The following FAM149B1 variants were observed in gnomAD, a reference collection of about 807,000 sequenced individuals.
The protein encoded by FAM149B1 is family with sequence similarity 149 member B1.
In FAM149B1, 56 loss-of-function variants were observed where a neutral mutation model predicts 75.3. The ratio of observed to expected loss-of-function variants is 0.74; its 90% CI spans 0.60 to 0.93. The LOEUF (loss-of-function observed/expected upper bound fraction) is 0.93. FAM149B1 is among the 40% of genes least tolerant of loss of function. The pLI is 0.00. For synonymous variants in FAM149B1, 259 were observed against 256.1 expected (o/e 1.01, Z -0.11); for missense variants, 639 against 708.4 (o/e 0.90, Z 1.11).
chr10:73,233,479 C>T (rs536160403), intron 10 of FAM149B1, among the ~76,000 whole-genome samples: 42 of 152,210 alleles, frequency 2.8e-4, no homozygotes, highest in African/African-American at 9.2e-4. Context: ...GCCGGGACCA[C>T]AGGCGGGTGG....
chr10:73,234,779 T>C, intron 10 of FAM149B1, 38 bp from the exon 11 acceptor site: 1 of 1,548,344 alleles, frequency 6.5e-7, no homozygotes, highest in South Asian at 1.2e-5. Flanking sequence ...TATAACTTCA[T>C]GCTTTCATAC....
chr10:73,195,752 G>T (rs1312078580), intron 5 of FAM149B1, among the ~76,000 whole-genome samples: 1 of 151,376 alleles, frequency 6.6e-6, no homozygotes, highest in East Asian at 1.9e-4. Context: ...CCTATTTTTG[G>T]TGCTACTTTT....
chr10:73,243,333 T>C lies in FAM149B1; in HGVS notation c.*2314T>C. 1 of 1,580,818 alleles carries C rather than the reference T, an allele frequency of 6.3e-7. No individual in the cohort carries two copies. Among genetic ancestry groups the C allele is most frequent in the Non-Finnish European group, 8.6e-7 (1 of 1,163,628 alleles). Reference sequence around the variant, plus strand: ...AGCTGAATTGACTTTTGCCTTCAAATCCTGCCTGCACCTTGCCTACGATGG... The same window carrying C: ...AGCTGAATTGACTTTTGCCTTCAAACCCTGCCTGCACCTTGCCTACGATGG... On this transcript the variant is annotated 3_prime_UTR_variant, in exon 14 of 14. Transcript: ENST00000242505.
chr10:73,212,245 A>G (rs1006739721), intron 7 of FAM149B1, among the ~76,000 whole-genome samples: 3 of 152,176 alleles, frequency 2.0e-5, no homozygotes, highest in African/African-American at 7.2e-5. Flanking sequence ...TATCTTTGCT[A>G]CCGTGAATAA....
chr10:73,229,177 G>C (rs1375214302), intron 8 of FAM149B1, among the ~76,000 whole-genome samples: 2 of 152,078 alleles, frequency 1.3e-5, no homozygotes, highest in Non-Finnish European at 2.9e-5. Flanking sequence ...GATGAGATTG[G>C]TCTTATCCCT....
chr10:73,193,200 A>G (rs562192554), intron 4 of FAM149B1, among the ~76,000 whole-genome samples: 109 of 152,258 alleles, frequency 7.2e-4, no homozygotes, highest in African/African-American at 2.5e-3. Context: ...AATGAGGACT[A>G]TTATAGAGCA....
At chr10:73,186,234 G>T (rs1168245002) in intron 3 of FAM149B1, among the ~76,000 whole-genome samples, 6 of 151,886 alleles carry the variant, frequency 4.0e-5, no homozygotes, top group Admixed American at 3.9e-4. Context: ...AAAATGACAT[G>T]ATCATCTTAA....
chr10:73,240,802 G>A, intron 13 of FAM149B1, 144 bp from the exon 14 acceptor site: 1 of 588,394 alleles, frequency 1.7e-6, no homozygotes, highest in Non-Finnish European at 3.0e-6. Context: ...TTAATTAGTG[G>A]GCTCTTCTAC....
chr10:73,188,191 T>A (rs1027866900), intron 3 of FAM149B1, among the ~76,000 whole-genome samples: 29 of 152,218 alleles, frequency 1.9e-4, no homozygotes, highest in Non-Finnish European at 4.0e-4. Flanking sequence ...TAGGATCCAT[T>A]GATTTTTGAC....
chr10:73,239,225 A>C, intron 12 of FAM149B1, 87 bp from the exon 13 acceptor site: 1 of 1,141,718 alleles, frequency 8.8e-7, no homozygotes, highest in South Asian at 1.4e-5. Context: ...ACCACTGTTG[A>C]TTTCAAGGTG....
At position 73,243,207 on chromosome 10, in the gene FAM149B1, A is replaced by G; in HGVS notation, c.*2188A>G. On this transcript the variant is annotated 3_prime_UTR_variant, in exon 14 of 14. Transcript: ENST00000242505. Reference sequence around the variant, plus strand: ...AGTTCCTTCAGGTGAGACCTCACACAATGTCAAGTGCTTTCTAGGAAATAC... The same window carrying G: ...AGTTCCTTCAGGTGAGACCTCACACGATGTCAAGTGCTTTCTAGGAAATAC... The G allele has an allele frequency of 6.7e-6, 4 of 595,774 alleles. No individual in the cohort carries two copies. The South Asian group carries it at 8.0e-5, about 12-fold the overall frequency. 36.9% of individuals were successfully genotyped at this position (595,774 alleles called of 1,614,324 possible). A position where few individuals can be genotyped will look rare whatever the true frequency, so the allele number is the denominator to read the frequency against.
intron 7 of FAM149B1, among the ~76,000 whole-genome samples, chr10:73,212,798 T>A (rs921911537): frequency 2.6e-5 from 4 of 152,154 alleles, no homozygotes; most frequent in African/African-American, 9.7e-5. Flanking sequence ...GATGCTTGTA[T>A]GTCTTCTTTT....
intron 5 of FAM149B1, among the ~76,000 whole-genome samples, chr10:73,202,456 C>CT (rs201961924): frequency 2.0e-3 from 293 of 145,704 alleles, no homozygotes; most frequent in Middle Eastern, 7.2e-3. Flanking sequence ...TGTTTGATAG[C>CT]TTTTTTTTTT....
At chr10:73,230,162 G>A (rs893963210) in intron 8 of FAM149B1, 7 of 346,442 alleles carry the variant, frequency 2.0e-5, no homozygotes, top group Non-Finnish European at 3.3e-5. Context: ...CCCTGTAAGA[G>A]GGCTGTTAAT....
intron 8 of FAM149B1, among the ~76,000 whole-genome samples, chr10:73,228,576 A>T (rs972137336): frequency 6.6e-6 from 1 of 151,630 alleles, no homozygotes; most frequent in African/African-American, 2.4e-5. Context: ...TTTTCTCTCA[A>T]CTTGGCCCAC....
At chr10:73,229,195 G>A (rs145165619) in intron 8 of FAM149B1, among the ~76,000 whole-genome samples, 82 of 152,182 alleles carry the variant, frequency 5.4e-4, no homozygotes, top group African/African-American at 2.0e-3. Context: ...CCTGTGTAAT[G>A]ATTTATGTAG....
chr10:73,196,281 G>C (rs900989836), intron 5 of FAM149B1, among the ~76,000 whole-genome samples: 14 of 151,972 alleles, frequency 9.2e-5, no homozygotes, highest in African/African-American at 3.4e-4. Context: ...AAGTTGGGTG[G>C]TGAGGGTATG....
At chr10:73,201,892 C>T (rs183853020) in intron 5 of FAM149B1, among the ~76,000 whole-genome samples, 1 of 152,132 alleles carries the variant, frequency 6.6e-6, no homozygotes, top group East Asian at 1.9e-4. Flanking sequence ...CAGCCAGGAG[C>T]GATGGCTCAC....
intron 2 of FAM149B1, 92 bp from the exon 3 acceptor site, chr10:73,177,754 C>T: frequency 9.2e-7 from 1 of 1,088,806 alleles, no homozygotes; most frequent in Non-Finnish European, 1.3e-6. Context: ...TGTTAATCAC[C>T]TAGTAAGTTG....
Sources: allele counts gnomAD v4.1 joint callset (sites outside exome capture counted in the v4.1 genomes callset), GRCh38; gene constraint gnomAD v4.1.1; transcripts MANE v1.5; gene names NCBI Gene and HGNC (gene_info 2026-07-23, HGNC 2026-07-21).